Variants in CEP63 observed in about 807,000 individuals in gnomAD.
The protein encoded by CEP63 is centrosomal protein of 63 kDa.
A neutral mutation model predicts 89.1 loss-of-function variants in CEP63; 84 were observed. The ratio of observed to expected loss-of-function variants is 0.94; its 90% confidence interval spans 0.79 to 1.13. CEP63 has a LOEUF of 1.13. CEP63 is among the 50% of genes most tolerant of loss of function. The pLI is 0.00. For missense variants in CEP63, 838 were observed against 813.3 expected (o/e 1.03, Z -0.37); for synonymous variants, 267 against 272.5 (o/e 0.98, Z 0.20).
the CEP63 span, among the ~76,000 whole-genome samples, chr3:134,720,030 C>T: frequency 5.9e-5 from 9 of 152,086 alleles, no homozygotes; most frequent in African/African-American, 1.7e-4. Context: ...CTACATTTAT[C>T]GTTTTGAGGA....
the CEP63 span, chr3:134,610,647 A>C: frequency 2.5e-6 from 1 of 408,002 alleles, no homozygotes; most frequent in South Asian, 4.8e-5. Context: ...GACCAACACC[A>C]TTCAGATCAC....
chr3:134,533,507 T>C (rs1343680712), intron 5 of CEP63, among the ~76,000 whole-genome samples: 1 of 152,230 alleles, frequency 6.6e-6, no homozygotes, highest in Non-Finnish European at 1.5e-5. Flanking sequence ...ACTTTGTTTT[T>C]ATTAAGACTG....
chr3:134,719,740 T>C, the CEP63 span, among the ~76,000 whole-genome samples: 1 of 152,218 alleles, frequency 6.6e-6, no homozygotes, highest in Admixed American at 6.5e-5. Context: ...TGTGATCTTT[T>C]ATGCCTGACT....
Position 134,545,813 on chromosome 3 carries a change from A to G in CEP63, c.783A>G (p.Leu261=), listed in dbSNP as rs1278502113. The stretch of plus-strand genomic sequence containing the variant: ...AAAAATTGAGGGAATCTGAAAAACT[A>G]TTAGAGGTATGTTTTAAAATCACTA... ...KEEKLRESEK[L]LEALQEEKRE... is the part of the protein sequence containing the mutation. The change falls in exon 7 of 15, where the codon CTA becomes CTG. Residue 261 remains leucine, a synonymous_variant. Coordinates refer to ENST00000675561, the MANE Select transcript of CEP63 (RefSeq NM_001353108.3). The G allele has an allele frequency of 5.0e-6, 8 of 1,608,114 alleles. No individual in the cohort carries two copies. Among genetic ancestry groups the G allele is most frequent in the South Asian group, 1.1e-5 (1 of 90,782 alleles).
chr3:134,709,956 T>C, the CEP63 span, among the ~76,000 whole-genome samples: 1 of 152,222 alleles, frequency 6.6e-6, no homozygotes, highest in South Asian at 2.1e-4. Flanking sequence ...GTCTTTTCAC[T>C]CTAAATTCAG....
chr3:134,753,167 T>C, the CEP63 span, among the ~76,000 whole-genome samples: 6,998 of 152,256 alleles, frequency 0.046, 303 homozygotes, highest in Non-Finnish European at 0.057. Flanking sequence ...TGTTTCTGCC[T>C]GTCTATCAGT....
At chr3:134,730,847 A>G in the CEP63 span, among the ~76,000 whole-genome samples, 3 of 152,106 alleles carry the variant, frequency 2.0e-5, no homozygotes, top group Non-Finnish European at 2.9e-5. Context: ...TTTAAAACTC[A>G]TTATACCTCA....
the CEP63 span, among the ~76,000 whole-genome samples, chr3:134,675,223 A>G: frequency 6.6e-6 from 1 of 152,250 alleles, no homozygotes; most frequent in South Asian, 2.1e-4. Flanking sequence ...GAGTCCAGAA[A>G]TAAACCCATA....
the CEP63 span, among the ~76,000 whole-genome samples, chr3:134,688,268 T>C: frequency 6.6e-6 from 1 of 152,240 alleles, no homozygotes; most frequent in Admixed American, 6.5e-5. Context: ...CATACTATAA[T>C]ATGGATGGAA....
At chr3:134,664,764 A>C in the CEP63 span, among the ~76,000 whole-genome samples, 1 of 88,452 alleles carries the variant, frequency 1.1e-5, no homozygotes, top group Admixed American at 1.3e-4. Context: ...GAGTCTTTTC[A>C]TTTTTTTGGG....
the CEP63 span, among the ~76,000 whole-genome samples, chr3:134,627,097 T>C: frequency 6.6e-6 from 1 of 152,222 alleles, no homozygotes; most frequent in Non-Finnish European, 1.5e-5. Context: ...CCTTTCTTGG[T>C]TCCATTTTCC....
chr3:134,610,437 A>C, the CEP63 span: 7 of 1,505,546 alleles, frequency 4.6e-6, no homozygotes, highest in Non-Finnish European at 6.4e-6. Flanking sequence ...CTTGCCTCCA[A>C]GTCTGTCCAT....
the CEP63 span, among the ~76,000 whole-genome samples, chr3:134,716,624 G>A: frequency 6.6e-6 from 1 of 151,998 alleles, no homozygotes; most frequent in Non-Finnish European, 1.5e-5. Context: ...CTTCTTATTA[G>A]CCAGAGGTAC....
chr3:134,708,235 AT>A, the CEP63 span, among the ~76,000 whole-genome samples: 3 of 152,186 alleles, frequency 2.0e-5, no homozygotes, highest in African/African-American at 7.2e-5. Flanking sequence ...CAGAAATGAA[AT>A]CCATTTGCCA....
the CEP63 span, among the ~76,000 whole-genome samples, chr3:134,665,767 A>G: frequency 6.6e-6 from 1 of 152,072 alleles, no homozygotes. Context: ...AGAGACAGAC[A>G]AACAGACACA....
chr3:134,763,073 TC>T, the CEP63 span, among the ~76,000 whole-genome samples: 214 of 152,060 alleles, frequency 1.4e-3, 1 homozygote, highest in African/African-American at 4.0e-3. Flanking sequence ...TATTTTTTTT[TC>T]TCTCTCTCTT....
At chr3:134,598,968 CCCCTTG>C in the CEP63 span, among the ~76,000 whole-genome samples, 1 of 152,234 alleles carries the variant, frequency 6.6e-6, no homozygotes, top group African/African-American at 2.4e-5. Context: ...CTTTCTCCAG[CCCCTTG>C]CCCTCAGGCA....
At chr3:134,604,290 G>T in the CEP63 span, 4 of 1,613,998 alleles carry the variant, frequency 2.5e-6, no homozygotes, top group Non-Finnish European at 3.4e-6. Flanking sequence ...GCACTGAGCT[G>T]TAGATGTCGG....
the CEP63 span, among the ~76,000 whole-genome samples, chr3:134,698,222 C>G: frequency 1.3e-5 from 2 of 152,200 alleles, no homozygotes; most frequent in Non-Finnish European, 2.9e-5. Flanking sequence ...CCCAAAGCAG[C>G]TAGGCTGCAG....
Sources: allele counts gnomAD v4.1 joint callset (sites outside exome capture counted in the v4.1 genomes callset), GRCh38; gene constraint gnomAD v4.1.1; transcripts MANE v1.5; gene names NCBI Gene and HGNC (gene_info 2026-07-23, HGNC 2026-07-21).